APBB2: variants seen among roughly 807,000 people sequenced by gnomAD.
APBB2 encodes amyloid beta precursor protein binding family B member 2.
Under a neutral mutation model 82.5 loss-of-function variants are expected in APBB2, and 38 were observed. That is an observed-to-expected ratio of 0.46 (90% confidence interval 0.36 to 0.60). The LOEUF (loss-of-function observed/expected upper bound fraction) is 0.60, where lower values mean the gene tolerates loss of function less well. Ranked by LOEUF, APBB2 falls within the 20% of genes least tolerant of loss-of-function variation. APBB2 has a pLI of 0.00. For synonymous variants in APBB2, 341 were observed against 368.2 expected, an observed-to-expected ratio of 0.93 and a Z score of 0.85; for missense variants, 772 against 972.3, an observed-to-expected ratio of 0.79 and a Z score of 2.74.
At chr4:41,194,493 G>A in intron 1 of APBB2, among the ~76,000 whole-genome samples, 1 of 152,178 alleles carries the variant, frequency 6.6e-6, no homozygotes, top group African/African-American at 2.4e-5. Flanking sequence ...GACCAGCTTG[G>A]GCAAGATGGC....
In APBB2 at chr4:40,999,883, A is replaced by G. The variant is rs146998414; in HGVS notation, c.835+13700T>C. Among the ~76,000 whole-genome samples, 80 of 152,124 alleles carry G rather than the reference A, an allele frequency of 5.3e-4. 2 individuals are homozygous for G. The East Asian group carries it at 0.014, about 28-fold the overall frequency. ...TTCAAACATAAATACCTATTGTAAG[A>G]ACTTATTTCTGGGGCTTAACAAAAA... On this transcript the variant is annotated intron_variant, in intron 6 of 17. Transcript: ENST00000508593.
intron 1 of APBB2, among the ~76,000 whole-genome samples, chr4:41,183,062 T>C (rs927860848): frequency 5.3e-5 from 8 of 152,216 alleles, no homozygotes; most frequent in African/African-American, 1.9e-4. Flanking sequence ...GGCAATTCCA[T>C]TCTTGCAGTT....
Position 41,027,453 on chromosome 4 carries a change from T to C in APBB2, c.19+5783A>G, listed in dbSNP as rs113026976. Among the ~76,000 whole-genome samples, 34 of 149,614 alleles carry C rather than the reference T, an allele frequency of 2.3e-4. 1 individual carries two copies. The highest frequency in any genetic ancestry group is 8.1e-4 in the African/African-American group (33 of 40,762). The stretch of plus-strand genomic sequence containing the variant: ...TGTAGTACAAAGCCACTGTACCATT[T>C]TCCATTCCCTCCAACAGTGTATAAG... On this transcript the variant is annotated intron_variant, in intron 5 of 17. Coordinates refer to ENST00000508593, the MANE Select transcript of APBB2 (RefSeq NM_004307.2).
chr4:40,899,290 G>C (rs1774591090), intron 10 of APBB2, among the ~76,000 whole-genome samples: 1 of 152,136 alleles, frequency 6.6e-6, no homozygotes, highest in Non-Finnish European at 1.5e-5. Context: ...CTGGGTCATG[G>C]CTGACCCAGA....
intron 6 of APBB2, among the ~76,000 whole-genome samples, chr4:40,984,491 T>TG (rs1328028959): frequency 1.3e-5 from 2 of 151,938 alleles, no homozygotes; most frequent in Non-Finnish European, 2.9e-5. Context: ...AAAGGAAGGG[T>TG]GGGGGGTCAG....
chr4:40,982,712 G>T (rs575977790), intron 6 of APBB2, among the ~76,000 whole-genome samples: 2 of 151,754 alleles, frequency 1.3e-5, no homozygotes, highest in South Asian at 4.2e-4. Flanking sequence ...GATCACTTGA[G>T]CCTGGGAAGT....
At chr4:41,036,209 T>C (rs1002466078) in intron 4 of APBB2, among the ~76,000 whole-genome samples, 2 of 152,194 alleles carry the variant, frequency 1.3e-5, no homozygotes, top group African/African-American at 4.8e-5. Flanking sequence ...GCATAGATTC[T>C]ATGCAAATAC....
chr4:40,823,269 T>G (rs116395094), intron 16 of APBB2, among the ~76,000 whole-genome samples: 126 of 152,304 alleles, frequency 8.3e-4, no homozygotes, highest in African/African-American at 2.9e-3. Context: ...CTGCTACTGA[T>G]AGTCACAGGA....
intron 12 of APBB2, among the ~76,000 whole-genome samples, chr4:40,871,369 T>C (rs951232906): frequency 1.2e-4 from 18 of 152,110 alleles, no homozygotes; most frequent in Non-Finnish European, 1.9e-4. Flanking sequence ...GGTCTCGAAC[T>C]CCTGGCCTCA....
intron 1 of APBB2, among the ~76,000 whole-genome samples, chr4:41,143,924 C>T (rs1412955609): frequency 2.6e-5 from 4 of 152,314 alleles, no homozygotes; most frequent in Non-Finnish European, 5.9e-5. Context: ...ACAGGCGCTG[C>T]CATGCTTTAG....
intron 7 of APBB2, among the ~76,000 whole-genome samples, chr4:40,942,826 A>G (rs1787397899): frequency 6.6e-6 from 1 of 152,158 alleles, no homozygotes; most frequent in South Asian, 2.1e-4. Flanking sequence ...AGTTTTCCCC[A>G]GAGCCAGCAC....
chr4:41,168,240 C>G (rs1408132677), intron 1 of APBB2, among the ~76,000 whole-genome samples: 6 of 149,604 alleles, frequency 4.0e-5, no homozygotes, highest in African/African-American at 1.5e-4. Context: ...GAGCCGAGAT[C>G]GCGCCACTGC....
At chr4:40,840,350 T>C (rs765850) in intron 12 of APBB2, among the ~76,000 whole-genome samples, 88,533 of 152,082 alleles carry the variant, frequency 0.58, 26,344 homozygotes, top group Admixed American at 0.67. Flanking sequence ...CAAGACTGGA[T>C]GCTTTTATTT....
intron 2 of APBB2, among the ~76,000 whole-genome samples, chr4:41,140,682 T>C (rs766581702): frequency 1.8e-4 from 27 of 152,234 alleles, no homozygotes; most frequent in Non-Finnish European, 3.4e-4. Flanking sequence ...TTCATTTGTA[T>C]TTACAGCCGG....
intron 4 of APBB2, among the ~76,000 whole-genome samples, chr4:41,033,590 A>T (rs1314121937): frequency 2.1e-5 from 3 of 143,140 alleles, no homozygotes; most frequent in Non-Finnish European, 4.6e-5. Context: ...CTCATCACAC[A>T]CACACACACA....
At chr4:41,049,635 C>T (rs1477586779) in intron 4 of APBB2, among the ~76,000 whole-genome samples, 2 of 152,134 alleles carry the variant, frequency 1.3e-5, no homozygotes, top group Non-Finnish European at 2.9e-5. Context: ...GGGAGGTGTA[C>T]CCAACAGCTC....
At chr4:41,105,694 C>A (rs186676323) in intron 2 of APBB2, among the ~76,000 whole-genome samples, 1,947 of 152,210 alleles carry the variant, frequency 0.013, 37 homozygotes, top group African/African-American at 0.045. Context: ...ACCATCCTGG[C>A]TAACACAGTG....
At chr4:41,083,178 A>G (rs1738303558) in intron 3 of APBB2, among the ~76,000 whole-genome samples, 1 of 152,024 alleles carries the variant, frequency 6.6e-6, no homozygotes, top group South Asian at 2.1e-4. Context: ...ACATAAATAA[A>G]TAAGACAAAT....
intron 1 of APBB2, among the ~76,000 whole-genome samples, chr4:41,154,018 T>A (rs968067743): frequency 6.6e-6 from 1 of 152,208 alleles, no homozygotes; most frequent in Non-Finnish European, 1.5e-5. Context: ...TAGAGGTCCA[T>A]AAATTACTGA....
Sources: gnomAD v4.1 joint callset for allele counts (sites outside exome capture counted in the v4.1 genomes callset) on GRCh38, gnomAD v4.1.1 for gene constraint, MANE v1.5 for transcripts, NCBI Gene and HGNC (gene_info 2026-07-23, HGNC 2026-07-21) for gene names.